The following SV2C variants were observed in gnomAD, a reference collection of about 807,000 sequenced individuals.
The protein encoded by SV2C is synaptic vesicle glycoprotein 2C.
A neutral mutation model predicts 79.7 loss-of-function variants in SV2C; 49 were observed. The observed-to-expected ratio is 0.61, with a 90% CI of 0.49 to 0.78. The LOEUF is 0.78. Ranked by LOEUF, SV2C falls within the 30% of genes least tolerant of loss-of-function variation. The probability of loss-of-function intolerance (pLI) is 0.00; values close to 1 mark genes in which losing one functional copy is unlikely to be tolerated. For synonymous variants in SV2C, 334 were observed against 333.2 expected (o/e 1.00, Z -0.03); for missense variants, 833 against 912.9 (o/e 0.91, Z 1.13).
chr5:75,872,485 G>A, the SV2C span, among the ~76,000 whole-genome samples: 2 of 152,164 alleles, frequency 1.3e-5, no homozygotes, highest in South Asian at 4.1e-4. Flanking sequence ...TTAAGATACA[G>A]TATTTAAAAC....
intron 4 of SV2C, among the ~76,000 whole-genome samples, chr5:76,228,720 T>A (rs1396394894): frequency 1.3e-5 from 2 of 152,210 alleles, no homozygotes; most frequent in East Asian, 3.8e-4. Flanking sequence ...GCATTTATTA[T>A]GTATCATACT....
the SV2C span, among the ~76,000 whole-genome samples, chr5:75,986,545 A>C: frequency 2.0e-5 from 3 of 152,036 alleles, no homozygotes; most frequent in Admixed American, 1.3e-4. Flanking sequence ...TAAGGGAGTA[A>C]ATTTGTGTTG....
At chr5:76,187,834 T>G (rs1322728496) in intron 2 of SV2C, among the ~76,000 whole-genome samples, 5 of 152,202 alleles carry the variant, frequency 3.3e-5, no homozygotes, top group Non-Finnish European at 5.9e-5. Flanking sequence ...AGAACTTGAG[T>G]TAAGGAAGGT....
chr5:75,863,089 G>T, the SV2C span, among the ~76,000 whole-genome samples: 7 of 152,046 alleles, frequency 4.6e-5, no homozygotes, highest in East Asian at 1.3e-3. Context: ...GTGTTGCCAG[G>T]GGAAACTGGT....
intron 3 of SV2C, among the ~76,000 whole-genome samples, chr5:76,198,091 C>A (rs1043780077): frequency 2.6e-5 from 4 of 152,150 alleles, no homozygotes; most frequent in African/African-American, 9.7e-5. Flanking sequence ...CCCACCCACC[C>A]CTGAGGGCAG....
At chr5:76,044,028 A>G in the SV2C span, among the ~76,000 whole-genome samples, 2 of 152,082 alleles carry the variant, frequency 1.3e-5, no homozygotes, top group Non-Finnish European at 2.9e-5. Flanking sequence ...TAAGCCCCAC[A>G]TGCATTAGCT....
chr5:76,302,758 C>T (rs1458030573), intron 12 of SV2C, among the ~76,000 whole-genome samples: 1 of 151,706 alleles, frequency 6.6e-6, no homozygotes, highest in Non-Finnish European at 1.5e-5. Context: ...AAAAGAAGCT[C>T]TGCTTTACCA....
chr5:76,353,542 A>T (rs1287162141), exon 13 of SV2C: 1 of 152,466 alleles, frequency 6.6e-6, no homozygotes, highest in East Asian at 1.9e-4. Flanking sequence ...ACATAAAGAG[A>T]GAAAAGCATT....
At chr5:76,242,352 G>A (rs1474652894) in intron 4 of SV2C, 5 of 1,348,164 alleles carry the variant, frequency 3.7e-6, no homozygotes, top group East Asian at 5.1e-5. Context: ...GCAGCGGCGC[G>A]CGGGCTTTGG....
the SV2C span, among the ~76,000 whole-genome samples, chr5:75,884,443 C>T: frequency 3.3e-5 from 5 of 152,230 alleles, no homozygotes; most frequent in South Asian, 4.1e-4. Flanking sequence ...ACAGAAGCAA[C>T]ATCATTACAT....
the SV2C span, among the ~76,000 whole-genome samples, chr5:75,993,403 A>G: frequency 6.6e-6 from 1 of 152,002 alleles, no homozygotes; most frequent in Non-Finnish European, 1.5e-5. Context: ...GCGGGGAGGC[A>G]AAGAGAGGCA....
At chr5:75,967,327 G>T in the SV2C span, among the ~76,000 whole-genome samples, 1 of 152,180 alleles carries the variant, frequency 6.6e-6, no homozygotes, top group Non-Finnish European at 1.5e-5. Context: ...AGTGGGTGCA[G>T]AACAGTGAGT....
intron 4 of SV2C, among the ~76,000 whole-genome samples, chr5:76,212,468 TC>T (rs1240200294): frequency 6.6e-6 from 1 of 151,624 alleles, no homozygotes; most frequent in Non-Finnish European, 1.5e-5. Flanking sequence ...TCTCTCTTTT[TC>T]TTTTTTTTTT....
chr5:76,199,178 A>T (rs984898930), intron 3 of SV2C, among the ~76,000 whole-genome samples: 46 of 152,316 alleles, frequency 3.0e-4, no homozygotes, highest in South Asian at 4.1e-4. Flanking sequence ...TTAAAACTTA[A>T]GCCAGAGAAT....
chr5:75,993,706 G>A, the SV2C span, among the ~76,000 whole-genome samples: 2 of 152,122 alleles, frequency 1.3e-5, no homozygotes, highest in African/African-American at 4.8e-5. Context: ...CTTTCCTTCA[G>A]GGAGGAGATT....
intron 1 of SV2C, among the ~76,000 whole-genome samples, chr5:76,103,803 A>G (rs1239275740): frequency 6.6e-6 from 1 of 152,226 alleles, no homozygotes; most frequent in East Asian, 1.9e-4. Context: ...ATGAAATAAT[A>G]TCTATTTTAC....
At chr5:76,238,077 TCAC>T (rs1276477941) in intron 4 of SV2C, among the ~76,000 whole-genome samples, 3 of 149,542 alleles carry the variant, frequency 2.0e-5, no homozygotes, top group South Asian at 2.1e-4. Context: ...TATATATACC[TCAC>T]CACCATTTTT....
intron 2 of SV2C, among the ~76,000 whole-genome samples, chr5:76,133,654 T>C (rs1033577644): frequency 1.3e-5 from 2 of 152,204 alleles, no homozygotes; most frequent in Non-Finnish European, 2.9e-5. Flanking sequence ...TTGTGCATAT[T>C]TTGCTGGTAC....
chr5:76,194,145 A>G (rs1471273128), intron 2 of SV2C, among the ~76,000 whole-genome samples: 1 of 152,086 alleles, frequency 6.6e-6, no homozygotes. Flanking sequence ...GTTCTGAAAG[A>G]CATAAGGAGA....
Sources: gnomAD v4.1 joint callset for allele counts (sites outside exome capture counted in the v4.1 genomes callset) on GRCh38, gnomAD v4.1.1 for gene constraint, MANE v1.5 for transcripts, NCBI Gene and HGNC (gene_info 2026-07-23, HGNC 2026-07-21) for gene names.